The following EFL1 variants were observed in gnomAD, a reference collection of about 807,000 sequenced individuals.
EFL1 encodes elongation factor like GTPase 1, also known as elongation factor-like GTPase 1.
EFL1 carries 76 observed loss-of-function variants against 126.7 expected under a neutral mutation model. That is an observed-to-expected ratio of 0.60 (90% confidence interval 0.50 to 0.73). The LOEUF is 0.73. EFL1 is among the 30% of genes least tolerant of loss of function. The pLI is 0.00. For synonymous variants in EFL1, 410 were observed against 448.4 expected (o/e 0.91, Z 1.08); for missense variants, 1,128 against 1,343.2 (o/e 0.84, Z 2.50).
At chr15:82,254,858 G>A (rs2075053691) in intron 3 of EFL1, among the ~76,000 whole-genome samples, 1 of 152,180 alleles carries the variant, frequency 6.6e-6, no homozygotes, top group African/African-American at 2.4e-5. Flanking sequence ...CTAAGGAGTT[G>A]GAAAAGGATG....
At chr15:82,175,220 C>T (rs74030932) in intron 15 of EFL1, among the ~76,000 whole-genome samples, 295 of 152,250 alleles carry the variant, frequency 1.9e-3, no homozygotes, top group African/African-American at 6.8e-3. Flanking sequence ...TATTGCCCTA[C>T]GTCTGCATCT....
At chr15:82,234,644 A>G (rs2074854320) in intron 7 of EFL1, among the ~76,000 whole-genome samples, 1 of 152,148 alleles carries the variant, frequency 6.6e-6, no homozygotes, top group Admixed American at 6.5e-5. Flanking sequence ...ATTTTAAAAA[A>G]CGGAGCCAGA....
At chr15:82,250,637 A>G (rs1186305968) in intron 4 of EFL1, among the ~76,000 whole-genome samples, 2 of 151,972 alleles carry the variant, frequency 1.3e-5, no homozygotes, top group Non-Finnish European at 2.9e-5. Context: ...CAGAGAAAAG[A>G]CATACAGGAT....
intron 15 of EFL1, among the ~76,000 whole-genome samples, chr15:82,213,380 A>G (rs1241736799): frequency 1.3e-5 from 2 of 152,242 alleles, no homozygotes; most frequent in Non-Finnish European, 2.9e-5. Context: ...TCCCCGTACC[A>G]TATGGCAGAG....
chr15:82,226,983 A>C (rs1027353580), intron 11 of EFL1, among the ~76,000 whole-genome samples: 3 of 152,236 alleles, frequency 2.0e-5, no homozygotes, highest in Non-Finnish European at 4.4e-5. Flanking sequence ...ATTGCGTCAA[A>C]TGCTAGTGAC....
rs1002194357 is a variant in EFL1 at position 82,153,219 on chromosome 15, C to T, written c.2031-796G>A. Among the ~76,000 whole-genome samples the T allele has an allele frequency of 5.9e-5, 9 of 152,186 alleles. 1 individual carries two copies. The highest frequency in any genetic ancestry group is 9.6e-5 in the African/African-American group (4 of 41,520). On this transcript the variant is annotated intron_variant, in intron 17 of 19. Coordinates refer to ENST00000268206, the MANE Select transcript of EFL1 (RefSeq NM_024580.6). Reference sequence around the variant, plus strand: ...GTCTGCCACCAAGTTCAGAAAGCCCCTTTTCCCACATAATATCAAATTTGA... The same window carrying T: ...GTCTGCCACCAAGTTCAGAAAGCCCTTTTTCCCACATAATATCAAATTTGA...
At position 82,154,145 on chromosome 15, in the gene EFL1, A is replaced by G. The variant is rs568203053; in HGVS notation, c.2031-1722T>C. ...AAAACCACTCCAAGCTGTGGAAGGA[A>G]GTGTGTGATGGTTGCCACACTCACA... On this transcript the variant is annotated intron_variant, in intron 17 of 19. Transcript: ENST00000268206. 2.6e-5 allele frequency among the ~76,000 whole-genome samples: 4 copies of G among 152,312 alleles called. 1 individual carries two copies. In the South Asian group the frequency reaches 8.3e-4, roughly 32 times the overall value.
At chr15:82,132,470 A>G (rs1021124439) in intron 19 of EFL1, among the ~76,000 whole-genome samples, 2 of 152,114 alleles carry the variant, frequency 1.3e-5, no homozygotes, top group Non-Finnish European at 2.9e-5. Context: ...ATGGACACTC[A>G]ACAAAAGAAC....
At chr15:82,197,454 C>T (rs1567059484) in intron 15 of EFL1, among the ~76,000 whole-genome samples, 1 of 152,172 alleles carries the variant, frequency 6.6e-6, no homozygotes, top group African/African-American at 2.4e-5. Flanking sequence ...ATGTGCTGAA[C>T]TGCTAAATTA....
At chr15:82,207,712 G>A (rs1387097097) in intron 15 of EFL1, among the ~76,000 whole-genome samples, 3 of 133,742 alleles carry the variant, frequency 2.2e-5, no homozygotes, top group Non-Finnish European at 4.7e-5. Context: ...GAGAATAATT[G>A]ATTGATTGAT....
chr15:82,163,512 C>A (rs142283291), intron 16 of EFL1, among the ~76,000 whole-genome samples: 2 of 152,024 alleles, frequency 1.3e-5, no homozygotes, highest in African/African-American at 2.4e-5. Flanking sequence ...CTCTAGCCTG[C>A]GCAACAGAGT....
intron 15 of EFL1, among the ~76,000 whole-genome samples, chr15:82,186,620 T>G (rs183770987): frequency 5.3e-5 from 8 of 152,346 alleles, no homozygotes; most frequent in Non-Finnish European, 8.8e-5. Flanking sequence ...TTATGTGATT[T>G]AATCTTTAAT....
chr15:82,195,159 A>AT (rs1429942422), intron 15 of EFL1, among the ~76,000 whole-genome samples: 1 of 152,200 alleles, frequency 6.6e-6, no homozygotes, highest in Non-Finnish European at 1.5e-5. Flanking sequence ...GTCTAACCTC[A>AT]TAAGGGGAAA....
At chr15:82,137,158 C>A (rs1203295777) in intron 19 of EFL1, among the ~76,000 whole-genome samples, 3 of 151,942 alleles carry the variant, frequency 2.0e-5, no homozygotes, top group Non-Finnish European at 4.4e-5. Context: ...TTCTGAAGTG[C>A]CACCCTTCTT....
At chr15:82,230,992 C>A in intron 7 of EFL1, 21 bp from the exon 8 acceptor site, 2 of 1,606,106 alleles carry the variant, frequency 1.2e-6, no homozygotes, top group South Asian at 2.2e-5. Flanking sequence ...ACCAAATGTT[C>A]ATGTTATTAA....
intron 15 of EFL1, among the ~76,000 whole-genome samples, chr15:82,168,430 AG>A (rs1285342240): frequency 6.6e-6 from 1 of 152,204 alleles, no homozygotes; most frequent in East Asian, 1.9e-4. Context: ...AGTAGGCCTT[AG>A]GGAAAAATCT....
At position 82,211,547 on chromosome 15, in the gene EFL1, T is replaced by TACACACACACACAC. The variant is rs1214996508; in HGVS notation, c.1750+3169_1750+3170insGTGTGTGTGTGTGT. ...TCTCAAAGAAAAAAAAAAAAATCTATATACACACACACACACACACACACA... is the reference window on the plus strand; with the variant it reads ...TCTCAAAGAAAAAAAAAAAAATCTATACACACACACACACATACACACACACACACACACACACA... On this transcript the variant is annotated intron_variant, in intron 15 of 19. Transcript: ENST00000268206. Among the ~76,000 whole-genome samples, 108 of 70,768 alleles carry TACACACACACACAC rather than the reference T, an allele frequency of 1.5e-3. 6 individuals are homozygous for TACACACACACACAC. The Middle Eastern group carries it at 0.024, about 16-fold the overall frequency. 46.4% of individuals were successfully genotyped at this position (70,768 alleles called of 152,430 possible).
At chr15:82,136,753 T>C (rs2073726386) in intron 19 of EFL1, among the ~76,000 whole-genome samples, 1 of 152,152 alleles carries the variant, frequency 6.6e-6, no homozygotes, top group South Asian at 2.1e-4. Context: ...GAATTTTGGA[T>C]AAATGAGAAA....
intron 17 of EFL1, among the ~76,000 whole-genome samples, chr15:82,155,142 ATTAT>A (rs998874672): frequency 2.1e-4 from 32 of 152,210 alleles, no homozygotes; most frequent in African/African-American, 4.8e-4. Flanking sequence ...TGAATACGCC[ATTAT>A]TTATTTATTT....
Sources: allele counts gnomAD v4.1 joint callset (sites outside exome capture counted in the v4.1 genomes callset), GRCh38; gene constraint gnomAD v4.1.1; transcripts MANE v1.5; gene names NCBI Gene and HGNC (gene_info 2026-07-23, HGNC 2026-07-21).